OR4F5: variants seen among roughly 807,000 people sequenced by gnomAD.
OR4F5 encodes the protein olfactory receptor 4F5.
OR4F5 carries 1 observed loss-of-function variant against 5.8 expected under a neutral mutation model. The ratio of observed to expected loss-of-function variants is 0.17; its 90% CI spans 0.06 to 0.82. The LOEUF is 0.82. Among genes scored for constraint, OR4F5 ranks in the 40% least tolerant of loss-of-function variants. The pLI is 0.72. For synonymous variants in OR4F5, 18 were observed against 63.7 expected, an observed-to-expected ratio of 0.28 and a Z score of 3.42; for missense variants, 47 against 175.5, an observed-to-expected ratio of 0.27 and a Z score of 4.14.
intron 2 of OR4F5, among the ~76,000 whole-genome samples, chr1:68,171 T>A (rs1366794218): frequency 5.6e-4 from 31 of 54,970 alleles, no homozygotes; most frequent in African/African-American, 1.3e-3. Context: ...TTCAGATACA[T>A]AGTAGATAAC....
chr1:69,590 T>A lies in OR4F5; in HGVS notation c.563T>A (p.Val188Asp), dbSNP rs141776804. The A allele has an allele frequency of 4.8e-4, 502 of 1,044,712 alleles. 184 individuals are homozygous for A. In the Admixed American group the frequency reaches 0.012, roughly 25 times the overall value. 64.7% of individuals were successfully genotyped at this position (1,044,712 alleles called of 1,614,324 possible). ...TTACTCTTCTGTGGTCCCAATGAGG[T>A]CGATAGTTTTTATTGTGACCTTCCT... The part of the protein sequence containing the change: ...VHLLFCGPNE[V>D]DSFYCDLPRV... The change falls in exon 3 of 3, where the codon GTC becomes GAC. Residue 188 changes from valine (V) to aspartate (D), a missense_variant. Val to Asp is a radical substitution (Grantham distance 152). Around this residue, in one of 3 missense-constraint regions of OR4F5, gnomAD observed 40 missense variants for 68.3 expected, o/e 0.59. Transcript: ENST00000641515.
Position 66,537 on chromosome 1 carries a change from T to A in OR4F5, c.9+964T>A, listed in dbSNP as rs1347457807. Among the ~76,000 whole-genome samples, 3 of 85,538 alleles carry A rather than the reference T, an allele frequency of 3.5e-5. 1 individual carries two copies. The highest frequency in any genetic ancestry group is 7.4e-5 in the Non-Finnish European group (3 of 40,618). 56.1% of individuals were successfully genotyped at this position (85,538 alleles called of 152,430 possible). A position where few individuals can be genotyped will look rare whatever the true frequency, so the allele number is the denominator to read the frequency against. On this transcript the variant is annotated intron_variant, in intron 2 of 2. Transcript: ENST00000641515. ...AATATATATTATATAATATATATTA[T>A]ATTTATATATAACATATATTATTAT...
intron 2 of OR4F5, among the ~76,000 whole-genome samples, chr1:68,398 C>T (rs1213942274): frequency 1.1e-5 from 1 of 90,346 alleles, no homozygotes; most frequent in Non-Finnish European, 2.9e-5. Flanking sequence ...CTAAATTAAA[C>T]AATCATTCAA....
rs1334207785 is a variant in OR4F5, at chr1:66,287, TAA to T, written c.9+715_9+716del. On this transcript the variant is annotated intron_variant, in intron 2 of 2. Coordinates refer to ENST00000641515, the MANE Select transcript of OR4F5 (RefSeq NM_001005484.2). Reference sequence around the variant, plus strand: ...TAAATATAATATAAATTATATTATATAATATATAATATAAATATAATATAAAT... The same window carrying T: ...TAAATATAATATAAATTATATTATATTATATAATATAAATATAATATAAAT... Among the ~76,000 whole-genome samples the T allele has an allele frequency of 4.6e-5, 2 of 43,512 alleles. 1 individual carries two copies. Among genetic ancestry groups the T allele is most frequent in the Non-Finnish European group, 9.0e-5 (2 of 22,188 alleles). 28.5% of individuals were successfully genotyped at this position (43,512 alleles called of 152,430 possible).
chr1:66,121 T>A (rs1343594324), intron 2 of OR4F5, among the ~76,000 whole-genome samples: 1 of 111,544 alleles, frequency 9.0e-6, no homozygotes, highest in East Asian at 2.0e-4. Flanking sequence ...AAATGCCTAC[T>A]CCCATCTCAC....
At chr1:66,204 CATATTATATATATAATAT>C in intron 2 of OR4F5, among the ~76,000 whole-genome samples, 1 of 75,632 alleles carries the variant, frequency 1.3e-5, no homozygotes, top group African/African-American at 4.0e-5. Context: ...ATATATATTA[CATATTATATATATAATAT>C]ATATTATATA....
chr1:67,011 G>A (rs576929926), intron 2 of OR4F5, among the ~76,000 whole-genome samples: 1 of 103,404 alleles, frequency 9.7e-6, no homozygotes, highest in East Asian at 2.1e-4. Context: ...CCTCATCCTT[G>A]GCATATTTCA....
chr1:66,391 A>AAT lies in OR4F5; in HGVS notation c.9+825_9+826dup, dbSNP rs1319172580. ...ATATAATATATAAATTATATAATAT[A>AAT]ATATATATTATATAATATAATATAT... On this transcript the variant is annotated intron_variant, in intron 2 of 2. Coordinates refer to ENST00000641515, the MANE Select transcript of OR4F5 (RefSeq NM_001005484.2). Among the ~76,000 whole-genome samples, 42 of 78,402 alleles carry AAT rather than the reference A, an allele frequency of 5.4e-4. 1 individual carries two copies. The highest frequency in any genetic ancestry group is 1.9e-3 in the Admixed American group (9 of 4,780). 51.4% of individuals were successfully genotyped at this position (78,402 alleles called of 152,430 possible). A position where few individuals can be genotyped will look rare whatever the true frequency, so the allele number is the denominator to read the frequency against.
chr1:66,159 T>C (rs1639933033), intron 2 of OR4F5, among the ~76,000 whole-genome samples: 1 of 100,060 alleles, frequency 1.0e-5, no homozygotes, highest in Non-Finnish European at 2.2e-5. Flanking sequence ...ACATAAGGCA[T>C]TTATATATAT....
rs1195562579 is a variant in OR4F5 at position 70,042 on chromosome 1, T to G, written c.*34T>G. 4.5e-6 allele frequency: 2 copies of G among 443,140 alleles called. No individual in the cohort carries two copies. The highest frequency in any genetic ancestry group is 3.9e-5 in the Admixed American group (1 of 25,560). 27.5% of individuals were successfully genotyped at this position (443,140 alleles called of 1,614,324 possible). A position where few individuals can be genotyped will look rare whatever the true frequency, so the allele number is the denominator to read the frequency against. ...TAACTGTGAGATTAATCTCAGATAA[T>G]GACACAAAATATAGTGAAGTTGGTA... On this transcript the variant is annotated 3_prime_UTR_variant, in exon 3 of 3. Coordinates refer to ENST00000641515, the MANE Select transcript of OR4F5 (RefSeq NM_001005484.2).
chr1:66,719 G>A (rs1226211953), intron 2 of OR4F5, among the ~76,000 whole-genome samples: 2 of 117,756 alleles, frequency 1.7e-5, no homozygotes, highest in Admixed American at 9.9e-5. Flanking sequence ...GCTACAATGA[G>A]TGTGTAAGAT....
At chr1:66,058 G>C (rs1438645925) in intron 2 of OR4F5, among the ~76,000 whole-genome samples, 1 of 118,532 alleles carries the variant, frequency 8.4e-6, no homozygotes, top group Admixed American at 9.5e-5. Context: ...CTAAGGCCCA[G>C]AGATTTTTAA....
chr1:66,768 A>T (rs1639953231), intron 2 of OR4F5, among the ~76,000 whole-genome samples: 1 of 115,610 alleles, frequency 8.6e-6, no homozygotes, highest in African/African-American at 2.7e-5. Context: ...CTTAATGTTC[A>T]ACTTAGAATA....
intron 2 of OR4F5, among the ~76,000 whole-genome samples, chr1:66,326 A>T (rs1285119899): frequency 1.9e-4 from 10 of 51,974 alleles, no homozygotes; most frequent in African/African-American, 5.1e-4. Context: ...ATATAAATAT[A>T]ATATATATTT....
chr1:67,284 T>C (rs1483080659), intron 2 of OR4F5, among the ~76,000 whole-genome samples: 2 of 113,956 alleles, frequency 1.8e-5, no homozygotes, highest in African/African-American at 2.7e-5. Flanking sequence ...TAGACTTCTC[T>C]TTATTCTTAA....
intron 2 of OR4F5, among the ~76,000 whole-genome samples, chr1:66,531 ATATTATATTT>A (rs1557435872): frequency 1.2e-5 from 1 of 84,178 alleles, no homozygotes; most frequent in African/African-American, 3.8e-5. Context: ...TATATAATAT[ATATTATATTT>A]ATATATAACA....
At chr1:66,570 A>ATATACTATATAT in intron 2 of OR4F5, among the ~76,000 whole-genome samples, 1 of 76,844 alleles carries the variant, frequency 1.3e-5, no homozygotes, top group Non-Finnish European at 3.0e-5. Context: ...TATATAAAAT[A>ATATACTATATAT]TGTATAATAT....
intron 2 of OR4F5, among the ~76,000 whole-genome samples, chr1:66,426 TAA>T (rs1349727505): frequency 1.4e-5 from 1 of 69,926 alleles, no homozygotes; most frequent in African/African-American, 4.9e-5. Context: ...TTTTATTATA[TAA>T]ATATATATTA....
intron 2 of OR4F5, among the ~76,000 whole-genome samples, chr1:66,511 TAA>T (rs1639947823): frequency 1.3e-5 from 1 of 74,400 alleles, no homozygotes; most frequent in Non-Finnish European, 3.0e-5. Flanking sequence ...TTTTATTATA[TAA>T]TATATATTAT....
Sources: allele counts gnomAD v4.1 joint callset (sites outside exome capture counted in the v4.1 genomes callset), GRCh38; gene constraint gnomAD v4.1.1; regional missense constraint gnomAD v4.1.1; transcripts MANE v1.5; gene names NCBI Gene and HGNC (gene_info 2026-07-23, HGNC 2026-07-21).